AUTS2: variants seen among roughly 807,000 people sequenced by gnomAD.
The protein encoded by AUTS2 is autism susceptibility gene 2 protein.
In AUTS2, 17 loss-of-function variants were observed where a neutral mutation model predicts 112.4. That is an observed-to-expected ratio of 0.15 (90% CI 0.10 to 0.23). AUTS2 has a LOEUF of 0.23. Ranked by LOEUF, AUTS2 falls within the 10% of genes least tolerant of loss-of-function variation. The pLI is 1.00. For synonymous variants in AUTS2, 751 were observed against 702.7 expected, an observed-to-expected ratio of 1.07 and a Z score of -1.09; for missense variants, 1,510 against 1,701.6, an observed-to-expected ratio of 0.89 and a Z score of 1.98.
At chr7:70,025,789 T>TG (rs1554430425) in intron 2 of AUTS2, among the ~76,000 whole-genome samples, 1 of 151,090 alleles carries the variant, frequency 6.6e-6, no homozygotes, top group Admixed American at 6.6e-5. Context: ...TTTTTTTTTT[T>TG]TTTTTTAATA....
intron 1 of AUTS2, among the ~76,000 whole-genome samples, chr7:69,630,816 C>T (rs543805148): frequency 6.6e-6 from 1 of 152,120 alleles, no homozygotes; most frequent in South Asian, 2.1e-4. Context: ...GGAGTGGGAC[C>T]CAGAAATCTA....
chr7:69,844,793 A>G (rs931223306), intron 1 of AUTS2, among the ~76,000 whole-genome samples: 1 of 152,076 alleles, frequency 6.6e-6, no homozygotes, highest in African/African-American at 2.4e-5. Flanking sequence ...GCATTTAGGA[A>G]TCTTAATCCC....
At chr7:70,736,308 A>G (rs1404188200) in intron 6 of AUTS2, among the ~76,000 whole-genome samples, 3 of 152,090 alleles carry the variant, frequency 2.0e-5, no homozygotes, top group Non-Finnish European at 4.4e-5. Context: ...AGATCATATC[A>G]ATCACTCCTC....
rs530386439 is a variant in AUTS2, at chr7:70,477,281, G to T, written c.690+41500G>T. Reference sequence around the variant, plus strand: ...AGGGGTAGTGGTGTAGCTAACATTAGCCCAATATAGATAAGCTCCAGATTA... The same window carrying T: ...AGGGGTAGTGGTGTAGCTAACATTATCCCAATATAGATAAGCTCCAGATTA... On this transcript the variant is annotated intron_variant, in intron 5 of 18. Transcript: ENST00000342771. 1.9e-4 allele frequency among the ~76,000 whole-genome samples: 29 copies of T among 152,234 alleles called. No individual in the cohort carries two copies. The Middle Eastern group carries it at 0.014, about 71-fold the overall frequency.
chr7:70,496,939 C>T (rs1274106450), intron 5 of AUTS2, among the ~76,000 whole-genome samples: 1 of 143,192 alleles, frequency 7.0e-6, no homozygotes, highest in Non-Finnish European at 1.5e-5. Context: ...GTCACACACA[C>T]GCACACCCCA....
intron 1 of AUTS2, among the ~76,000 whole-genome samples, chr7:69,746,904 A>G (rs1787520540): frequency 6.6e-6 from 1 of 152,190 alleles, no homozygotes; most frequent in African/African-American, 2.4e-5. Context: ...CAGCCATTGC[A>G]GGTGTGGACC....
chr7:69,829,559 CA>C (rs1260196360), intron 1 of AUTS2, among the ~76,000 whole-genome samples: 1 of 151,926 alleles, frequency 6.6e-6, no homozygotes, highest in African/African-American at 2.4e-5. Context: ...ACACCACCAC[CA>C]AAAAGTGGGC....
intron 5 of AUTS2, among the ~76,000 whole-genome samples, chr7:70,528,062 A>G (rs1799918035): frequency 6.7e-6 from 1 of 149,630 alleles, no homozygotes; most frequent in African/African-American, 2.5e-5. Context: ...TTAATTCCCT[A>G]AAGAGACTTG....
intron 16 of AUTS2, 68 bp downstream of exon 16, chr7:70,785,087 C>T: frequency 1.3e-6 from 2 of 1,532,088 alleles, no homozygotes; most frequent in East Asian, 2.3e-5. Flanking sequence ...TTACCATGCT[C>T]CCGCTGCACC....
intron 6 of AUTS2, among the ~76,000 whole-genome samples, chr7:70,758,918 C>A (rs1349963962): frequency 7.8e-6 from 1 of 127,908 alleles, no homozygotes; most frequent in Non-Finnish European, 1.7e-5. Context: ...ACGCCTGTGC[C>A]TCAAGAGACT....
intron 5 of AUTS2, among the ~76,000 whole-genome samples, chr7:70,464,070 T>G (rs554785628): frequency 1.3e-5 from 2 of 152,328 alleles, no homozygotes; most frequent in South Asian, 4.1e-4. Flanking sequence ...GGGGGGCCTG[T>G]TAATCTAGCA....
chr7:69,812,235 C>T (rs966819430), intron 1 of AUTS2, among the ~76,000 whole-genome samples: 3 of 152,104 alleles, frequency 2.0e-5, no homozygotes, highest in Non-Finnish European at 4.4e-5. Context: ...AGCCATCTTT[C>T]CCCAACTCTC....
intron 14 of AUTS2, among the ~76,000 whole-genome samples, chr7:70,778,456 G>T (rs1054583017): frequency 1.3e-5 from 2 of 151,946 alleles, no homozygotes; most frequent in African/African-American, 4.8e-5. Flanking sequence ...AAAGGGTTAC[G>T]TGATTTTTAA....
chr7:69,825,542 T>C (rs1310936315), intron 1 of AUTS2, among the ~76,000 whole-genome samples: 1 of 152,152 alleles, frequency 6.6e-6, no homozygotes. Context: ...CATGCGGTTG[T>C]ATTTGGGTAG....
intron 5 of AUTS2, among the ~76,000 whole-genome samples, chr7:70,508,770 T>G (rs1224347243): frequency 6.6e-6 from 1 of 152,242 alleles, no homozygotes; most frequent in East Asian, 1.9e-4. Context: ...AGAAATGTTT[T>G]AATCACTTAC....
chr7:70,122,547 G>A (rs900033942), intron 3 of AUTS2, among the ~76,000 whole-genome samples: 1 of 151,916 alleles, frequency 6.6e-6, no homozygotes, highest in Non-Finnish European at 1.5e-5. Flanking sequence ...TTTTTCATTG[G>A]ATGCCAGACA....
intron 1 of AUTS2, among the ~76,000 whole-genome samples, chr7:69,826,606 C>T (rs563629304): frequency 1.8e-4 from 28 of 152,222 alleles, no homozygotes; most frequent in Admixed American, 1.2e-3. Context: ...AGTTGATAGA[C>T]GGGAATATAC....
intron 5 of AUTS2, among the ~76,000 whole-genome samples, chr7:70,457,535 C>T (rs528169914): frequency 6.6e-6 from 1 of 152,128 alleles, no homozygotes; most frequent in Non-Finnish European, 1.5e-5. Context: ...TTTTTCTGTC[C>T]ACAACCAATA....
Position 70,041,460 on chromosome 7 carries a change from T to A in AUTS2, c.523-76672T>A, listed in dbSNP as rs988513161. 1.3e-5 allele frequency among the ~76,000 whole-genome samples: 2 copies of A among 152,200 alleles called. 1 individual carries two copies. The highest frequency in any genetic ancestry group is 1.3e-4 in the Admixed American group (2 of 15,278). ...CTGTACTAATGATAAGAATGAACTGTGAAATTCACATGAATTCCAGTAGTT... is the reference window on the plus strand; with the variant it reads ...CTGTACTAATGATAAGAATGAACTGAGAAATTCACATGAATTCCAGTAGTT... On this transcript the variant is annotated intron_variant, in intron 2 of 18. Coordinates refer to ENST00000342771, the MANE Select transcript of AUTS2 (RefSeq NM_015570.4).
Sources: gnomAD v4.1 joint callset for allele counts (sites outside exome capture counted in the v4.1 genomes callset) on GRCh38, gnomAD v4.1.1 for gene constraint, MANE v1.5 for transcripts, NCBI Gene and HGNC (gene_info 2026-07-23, HGNC 2026-07-21) for gene names.